Variants in PDZRN3 observed in about 807,000 individuals in gnomAD.
The protein encoded by PDZRN3 is E3 ubiquitin-protein ligase PDZRN3.
Under a neutral mutation model 85.7 loss-of-function variants are expected in PDZRN3, and 38 were observed. The ratio of observed to expected loss-of-function variants is 0.44; its 90% CI spans 0.34 to 0.58. The LOEUF (loss-of-function observed/expected upper bound fraction) is 0.58, where lower values mean the gene tolerates loss of function less well. PDZRN3 is among the 20% of genes least tolerant of loss of function. The pLI, the probability that PDZRN3 is intolerant of heterozygous loss-of-function variation, is 0.01. For missense variants in PDZRN3, 1,629 were observed against 1,506.4 expected (o/e 1.08, Z -1.35); for synonymous variants, 759 against 638.0 (o/e 1.19, Z -2.86).
At chr3:73,574,239 C>T (rs1180120873) in intron 3 of PDZRN3, among the ~76,000 whole-genome samples, 1 of 152,210 alleles carries the variant, frequency 6.6e-6, no homozygotes, top group Non-Finnish European at 1.5e-5. Flanking sequence ...TAAGTACACT[C>T]TAACCCCTCT....
intron 5 of PDZRN3, among the ~76,000 whole-genome samples, chr3:73,396,726 T>G (rs776060673): frequency 2.6e-5 from 4 of 152,204 alleles, no homozygotes; most frequent in Admixed American, 1.3e-4. Context: ...TGACAGCAGT[T>G]TCGCAGCCTA....
Position 73,383,911 on chromosome 3 carries a change from C to A in PDZRN3, c.2655G>T (p.Gln885His), listed in dbSNP as rs1197086309. The change falls in exon 10 of 10, where the codon CAG becomes CAT. Residue 885 changes from glutamine to histidine, a missense_variant. By Grantham distance (24) the Gln-to-His change is conservative. Coordinates refer to ENST00000263666, the MANE Select transcript of PDZRN3 (RefSeq NM_015009.3). The stretch of plus-strand genomic sequence containing the variant: ...CCACGGCCGACTTCTGCTGGATCAG[C>A]TGCATGTAGCTCTGGTAGTGCTGGG... ...AHAQHYQSYM[Q>H]LIQQKSAVEY... 6.2e-7 allele frequency: 1 copy of A among 1,611,766 alleles called. No homozygotes were observed. The highest frequency in any genetic ancestry group is 1.1e-5 in the South Asian group (1 of 90,754).
rs369465735 is a variant in PDZRN3 at position 73,597,539 on chromosome 3, C to T, written c.918+4815G>A. Among the ~76,000 whole-genome samples, 44 of 152,148 alleles carry T rather than the reference C, an allele frequency of 2.9e-4. No individual in the cohort carries two copies. In the South Asian group the frequency reaches 7.7e-3, roughly 27 times the overall value. ...AGATTGCTAGCTCAAAGCAGAACAG[C>T]GTTTAACCCACGCAATCACTACACA... On this transcript the variant is annotated intron_variant, in intron 3 of 9. Coordinates refer to ENST00000263666, the MANE Select transcript of PDZRN3 (RefSeq NM_015009.3).
chr3:73,441,022 T>A (rs1031640120), intron 3 of PDZRN3, among the ~76,000 whole-genome samples: 2 of 152,190 alleles, frequency 1.3e-5, no homozygotes, highest in Admixed American at 1.3e-4. Context: ...GTCGGCAAAC[T>A]TTTTCTAGAA....
At chr3:73,500,857 T>C (rs1703964614) in intron 3 of PDZRN3, among the ~76,000 whole-genome samples, 1 of 152,212 alleles carries the variant, frequency 6.6e-6, no homozygotes, top group African/African-American at 2.4e-5. Context: ...GCCTAACTGA[T>C]CCACTGCTGC....
intron 3 of PDZRN3, among the ~76,000 whole-genome samples, chr3:73,440,031 C>T (rs1158539351): frequency 1.3e-5 from 2 of 150,666 alleles, no homozygotes; most frequent in Admixed American, 6.5e-5. Flanking sequence ...AGCCACCGCG[C>T]CCAGACTCTT....
chr3:73,414,311 G>A (rs1201698902), intron 3 of PDZRN3, among the ~76,000 whole-genome samples: 4 of 152,178 alleles, frequency 2.6e-5, no homozygotes, highest in Non-Finnish European at 5.9e-5. Flanking sequence ...ACAAACCAAT[G>A]AATGCCAGGA....
At chr3:73,487,397 G>A (rs751337899) in intron 3 of PDZRN3, among the ~76,000 whole-genome samples, 1 of 152,132 alleles carries the variant, frequency 6.6e-6, no homozygotes. Context: ...CGGAGCAGAG[G>A]AACCTAGACA....
At chr3:73,595,622 A>G (rs938523453) in intron 3 of PDZRN3, among the ~76,000 whole-genome samples, 8 of 152,208 alleles carry the variant, frequency 5.3e-5, no homozygotes. Context: ...AAATTAAAAC[A>G]CTTTAAACAA....
chr3:73,600,327 A>ACT (rs1702495801), intron 3 of PDZRN3, among the ~76,000 whole-genome samples: 1 of 103,586 alleles, frequency 9.7e-6, no homozygotes, highest in Non-Finnish European at 1.9e-5. Context: ...ACACACACAC[A>ACT]CACACACACA....
chr3:73,500,707 C>T (rs1412470048), intron 3 of PDZRN3, among the ~76,000 whole-genome samples: 1 of 152,160 alleles, frequency 6.6e-6, no homozygotes, highest in East Asian at 1.9e-4. Context: ...TCGCCTCCTC[C>T]CAAGCTGGGT....
chr3:73,576,079 T>G (rs999762518), intron 3 of PDZRN3, among the ~76,000 whole-genome samples: 5 of 151,754 alleles, frequency 3.3e-5, no homozygotes, highest in Non-Finnish European at 5.9e-5. Context: ...ATATGTCCTT[T>G]GGAAGAAATT....
intron 3 of PDZRN3, among the ~76,000 whole-genome samples, chr3:73,536,843 G>A (rs375037289): frequency 6.6e-6 from 1 of 152,136 alleles, no homozygotes; most frequent in Non-Finnish European, 1.5e-5. Flanking sequence ...GTTAGGTCAC[G>A]GGGGTCGCAG....
rs1474301139 is a variant in PDZRN3, at chr3:73,383,561, C to G, written c.3005G>C (p.Cys1002Ser). 1 of 1,614,168 alleles carries G rather than the reference C, an allele frequency of 6.2e-7. No homozygotes were observed. The highest frequency in any genetic ancestry group is 1.7e-5 in the Admixed American group (1 of 60,026). ...REFMMQSRLD[C>S]LKEQQAADDR... ...ATCGGCTGCTTGCTGCTCCTTGAGA[C>G]AATCCAACCTGCTCTGCATCATGAA... Residue 1002 changes from cysteine to serine, a missense_variant, in exon 10 of 10, where the codon TGT becomes TCT. Physicochemically the swap from Cys to Ser is moderately radical, Grantham distance 112. Transcript: ENST00000263666.
At chr3:73,619,101 T>C (rs1575766311) in intron 1 of PDZRN3, among the ~76,000 whole-genome samples, 1 of 152,182 alleles carries the variant, frequency 6.6e-6, no homozygotes, top group East Asian at 1.9e-4. Context: ...GTGGATCTAG[T>C]GGAACAAAAA....
intron 3 of PDZRN3, among the ~76,000 whole-genome samples, chr3:73,555,841 A>T (rs1201983553): frequency 6.6e-6 from 1 of 152,230 alleles, no homozygotes; most frequent in East Asian, 1.9e-4. Flanking sequence ...GCTTAAACAC[A>T]AGATTATCTA....
chr3:73,486,278 G>A (rs1284772747), intron 3 of PDZRN3, among the ~76,000 whole-genome samples: 1 of 152,102 alleles, frequency 6.6e-6, no homozygotes. Context: ...TATGGCCTGT[G>A]TAAGAGCCCA....
At chr3:73,531,715 C>T (rs1457331454) in intron 3 of PDZRN3, among the ~76,000 whole-genome samples, 1 of 152,190 alleles carries the variant, frequency 6.6e-6, no homozygotes, top group Non-Finnish European at 1.5e-5. Flanking sequence ...TCCCAAATTC[C>T]CAATGCTACA....
chr3:73,590,172 G>A (rs970197172), intron 3 of PDZRN3, among the ~76,000 whole-genome samples: 1 of 149,218 alleles, frequency 6.7e-6, no homozygotes, highest in Non-Finnish European at 1.5e-5. Flanking sequence ...GGGGGGCTGA[G>A]GCACAAGAAT....
Sources: allele counts gnomAD v4.1 joint callset (sites outside exome capture counted in the v4.1 genomes callset), GRCh38; gene constraint gnomAD v4.1.1; transcripts MANE v1.5; gene names NCBI Gene and HGNC (gene_info 2026-07-23, HGNC 2026-07-21).